Variants in TRAPPC6B observed in about 807,000 individuals in gnomAD.
TRAPPC6B encodes trafficking protein particle complex subunit 6B.
In TRAPPC6B, 27 loss-of-function variants were observed where a neutral mutation model predicts 24.7. That is an observed-to-expected ratio of 1.09 (90% CI 0.81 to 1.51). The LOEUF is 1.51. TRAPPC6B is among the 40% of genes most tolerant of loss of function. TRAPPC6B has a pLI of 0.00. For missense variants in TRAPPC6B, 212 were observed against 190.8 expected (o/e 1.11, Z -0.66); for synonymous variants, 80 against 66.6 (o/e 1.20, Z -0.98).
At chr14:39,166,967 A>G (rs191011379) in intron 1 of TRAPPC6B, among the ~76,000 whole-genome samples, 8 of 152,312 alleles carry the variant, frequency 5.3e-5, no homozygotes, top group Admixed American at 4.6e-4. Flanking sequence ...AGCTCTACAT[A>G]AACTCCTTAT....
intron 1 of TRAPPC6B, among the ~76,000 whole-genome samples, chr14:39,164,549 A>C (rs1320190181): frequency 6.6e-6 from 1 of 152,106 alleles, no homozygotes; most frequent in Non-Finnish European, 1.5e-5. Context: ...CCTTTCTTCA[A>C]AATAAAGTCC....
chr14:39,169,937 AG>A, intron 1 of TRAPPC6B, 77 bp downstream of exon 1: 1 of 1,448,976 alleles, frequency 6.9e-7, no homozygotes. Flanking sequence ...GCGATGGGAC[AG>A]GGGTTGAAGG....
intron 4 of TRAPPC6B, 72 bp from the exon 5 acceptor site, chr14:39,151,911 T>C (rs1264072195): frequency 6.0e-6 from 6 of 1,001,464 alleles, no homozygotes; most frequent in Non-Finnish European, 8.9e-6. Flanking sequence ...AAATACAACA[T>C]TACATGATTT....
intron 3 of TRAPPC6B, among the ~76,000 whole-genome samples, chr14:39,156,359 G>A (rs2052979218): frequency 1.3e-5 from 2 of 152,092 alleles, no homozygotes; most frequent in Non-Finnish European, 1.5e-5. Context: ...CCTATTGAGA[G>A]TACCAGATAC....
At chr14:39,160,456 A>G (rs1368401499) in intron 1 of TRAPPC6B, among the ~76,000 whole-genome samples, 1 of 152,006 alleles carries the variant, frequency 6.6e-6, no homozygotes, top group East Asian at 1.9e-4. Context: ...AGCATGTGCC[A>G]TTTTGGAGGC....
intron 1 of TRAPPC6B, 110 bp from the exon 2 acceptor site, chr14:39,159,660 T>C: frequency 1.4e-6 from 1 of 689,726 alleles, no homozygotes; most frequent in Non-Finnish European, 2.2e-6. Context: ...TTTATACTTT[T>C]TTCCCTGAAA....
intron 1 of TRAPPC6B, among the ~76,000 whole-genome samples, chr14:39,164,691 G>A (rs1437418051): frequency 6.6e-6 from 1 of 151,976 alleles, no homozygotes; most frequent in African/African-American, 2.4e-5. Flanking sequence ...ACAAAAATTA[G>A]GTGAACATGG....
chr14:39,158,493 G>T, intron 2 of TRAPPC6B, 91 bp from the exon 3 acceptor site: 1 of 734,326 alleles, frequency 1.4e-6, no homozygotes, highest in Non-Finnish European at 2.3e-6. Context: ...TGCCAGAACA[G>T]CACTGAACAT....
chr14:39,150,737 C>T (rs1238084476), intron 5 of TRAPPC6B, among the ~76,000 whole-genome samples: 1 of 152,086 alleles, frequency 6.6e-6, no homozygotes, highest in Non-Finnish European at 1.5e-5. Flanking sequence ...CAGGGTTTCA[C>T]CTTATTGGCC....
intron 1 of TRAPPC6B, among the ~76,000 whole-genome samples, chr14:39,163,059 A>G (rs1212152532): frequency 6.6e-6 from 1 of 150,422 alleles, no homozygotes; most frequent in East Asian, 1.9e-4. Context: ...CCCTTTGGCA[A>G]CTCTCTATCC....
chr14:39,165,502 T>C (rs2053099036), intron 1 of TRAPPC6B, among the ~76,000 whole-genome samples: 1 of 152,114 alleles, frequency 6.6e-6, no homozygotes, highest in South Asian at 2.1e-4. Flanking sequence ...TTCTCAAACA[T>C]GCTTAGGATG....
chr14:39,147,865 C>T lies in TRAPPC6B; in HGVS notation c.*2485G>A, dbSNP rs555787735. 2 of 152,296 alleles carry T rather than the reference C, an allele frequency of 1.3e-5. No homozygotes were observed. The highest frequency in any genetic ancestry group is 4.8e-5 in the African/African-American group (2 of 41,564). The allele number at this position is 152,296 out of a possible 1,614,324, so 9.4% of individuals were successfully genotyped here. A position where few individuals can be genotyped will look rare whatever the true frequency, so the allele number is the denominator to read the frequency against. Reference sequence around the variant, plus strand: ...TTTACAAGTGAACCTTTAAGTTTCTCCCCACCTACTCCCGCAGAAAAAGGC... The same window carrying T: ...TTTACAAGTGAACCTTTAAGTTTCTTCCCACCTACTCCCGCAGAAAAAGGC... On this transcript the variant is annotated 3_prime_UTR_variant, in exon 6 of 6. Transcript: ENST00000330149.
At chr14:39,163,792 C>T (rs990152012) in intron 1 of TRAPPC6B, among the ~76,000 whole-genome samples, 1 of 150,956 alleles carries the variant, frequency 6.6e-6, no homozygotes, top group Non-Finnish European at 1.5e-5. Context: ...GTTTCTAGTA[C>T]AGACTTTATT....
At chr14:39,160,509 C>T (rs1461881787) in intron 1 of TRAPPC6B, among the ~76,000 whole-genome samples, 1 of 151,312 alleles carries the variant, frequency 6.6e-6, no homozygotes, top group South Asian at 2.1e-4. Flanking sequence ...TGAGGCTGCA[C>T]TGAGCCATGA....
intron 1 of TRAPPC6B, among the ~76,000 whole-genome samples, chr14:39,169,377 A>C (rs530528285): frequency 1.3e-5 from 2 of 152,314 alleles, no homozygotes; most frequent in East Asian, 3.9e-4. Flanking sequence ...TTTCGGATTA[A>C]ATTAGATTAA....
intron 1 of TRAPPC6B, among the ~76,000 whole-genome samples, chr14:39,168,513 C>A (rs1364283654): frequency 6.8e-6 from 1 of 146,984 alleles, no homozygotes; most frequent in Non-Finnish European, 1.5e-5. Context: ...TCCTGCCTAT[C>A]CTTCTTGTGC....
rs1420156832 is a variant in TRAPPC6B at position 39,154,221 on chromosome 14, T to C, written c.341A>G (p.His114Arg). The C allele has an allele frequency of 1.2e-6, 2 of 1,610,172 alleles. No homozygotes were observed. Among genetic ancestry groups the C allele is most frequent in the African/African-American group, 1.3e-5 (1 of 74,962 alleles). ...QMSAGKQYLE[H>R]ASKYLAFTCG... ...TATTCCATTAAATACCTTAGATGCA[T>C]GTTCTAAATACTGTTTTCCTGCAGA... The change falls in exon 4 of 6, where the codon CAT becomes CGT. Residue 114 changes from histidine to arginine, a missense_variant. His to Arg is a conservative substitution (Grantham distance 29). Coordinates refer to ENST00000330149, the MANE Select transcript of TRAPPC6B (RefSeq NM_001079537.2).
At chr14:39,154,440 A>C (rs2052952691) in intron 3 of TRAPPC6B, 146 bp from the exon 4 acceptor site, 1 of 594,578 alleles carries the variant, frequency 1.7e-6, no homozygotes, top group Non-Finnish European at 2.9e-6. Context: ...CTGTTCTTTG[A>C]GACGGGGTCT....
chr14:39,155,945 T>C (rs1037171053), intron 3 of TRAPPC6B, among the ~76,000 whole-genome samples: 2 of 151,674 alleles, frequency 1.3e-5, no homozygotes, highest in African/African-American at 4.9e-5. Flanking sequence ...CATACCAATA[T>C]GCCTGGTGAA....
Sources: allele counts gnomAD v4.1 joint callset (sites outside exome capture counted in the v4.1 genomes callset), GRCh38; gene constraint gnomAD v4.1.1; transcripts MANE v1.5; gene names NCBI Gene and HGNC (gene_info 2026-07-23, HGNC 2026-07-21).